The following MRC2 variants were observed in gnomAD, a reference collection of about 807,000 sequenced individuals.
MRC2 encodes the protein C-type mannose receptor 2.
A neutral mutation model predicts 206.2 loss-of-function variants in MRC2; 84 were observed. That is an observed-to-expected ratio of 0.41 (90% confidence interval 0.34 to 0.49). The LOEUF (loss-of-function observed/expected upper bound fraction) is 0.49, where lower values mean the gene tolerates loss of function less well. Ranked by LOEUF, MRC2 falls within the 20% of genes least tolerant of loss-of-function variation. The probability of loss-of-function intolerance (pLI) is 0.31; values close to 1 mark genes in which losing one functional copy is unlikely to be tolerated. For synonymous variants in MRC2, 798 were observed against 800.0 expected (o/e 1.00, Z 0.04); for missense variants, 1,676 against 2,001.5 (o/e 0.84, Z 3.10).
At chr17:62,677,593 G>C in intron 12 of MRC2, 107 bp downstream of exon 12, 1 of 993,520 alleles carries the variant, frequency 1.0e-6, no homozygotes, top group Non-Finnish European at 1.5e-6. Context: ...GACACACCAG[G>C]CTGCAGACGG....
chr17:62,678,737 C>T, intron 13 of MRC2, 91 bp downstream of exon 13: 2 of 1,550,258 alleles, frequency 1.3e-6, no homozygotes, highest in Non-Finnish European at 1.7e-6. Context: ...GTTGGGCGAG[C>T]AGGGGGATGG....
intron 1 of MRC2, among the ~76,000 whole-genome samples, chr17:62,636,250 CAAAA>C (rs11363983): frequency 2.9e-5 from 4 of 136,788 alleles, no homozygotes; most frequent in Non-Finnish European, 4.7e-5. Context: ...GACCCTGTCG[CAAAA>C]AAAAAAAAAA....
At chr17:62,686,012 G>A (rs1442732656) in intron 20 of MRC2, among the ~76,000 whole-genome samples, 1 of 152,158 alleles carries the variant, frequency 6.6e-6, no homozygotes, top group Non-Finnish European at 1.5e-5. Flanking sequence ...CTGGTTTCTT[G>A]GAAGACAATT....
chr17:62,672,925 G>A lies in MRC2; in HGVS notation c.1461+773G>A, dbSNP rs547826652. Among the ~76,000 whole-genome samples the A allele has an allele frequency of 5.3e-5, 8 of 152,000 alleles. No homozygotes were observed. Among genetic ancestry groups the A allele is most frequent in the East Asian group, 3.9e-4 (2 of 5,162 alleles). On this transcript the variant is annotated intron_variant, in intron 8 of 29. Transcript: ENST00000303375. The surrounding 1 kb of genome is among the most constrained non-coding windows in gnomAD (Gnocchi z 4.5). ...GAGAATCGCTTGAACCTGGAAGGCA[G>A]AGGCTGCAGTGAGCTGAGATTGCAC...
chr17:62,684,816 T>G (rs1258201892), intron 20 of MRC2, among the ~76,000 whole-genome samples: 1 of 152,212 alleles, frequency 6.6e-6, no homozygotes, highest in Non-Finnish European at 1.5e-5. Flanking sequence ...CTTAGTGTCA[T>G]GGATCTCCTG....
At chr17:62,665,448 T>C (rs768525180) in intron 2 of MRC2, among the ~76,000 whole-genome samples, 86 of 147,646 alleles carry the variant, frequency 5.8e-4, no homozygotes, top group Non-Finnish European at 9.0e-5. Context: ...AAAAGAAAAA[T>C]TAACTTCAAA....
intron 20 of MRC2, among the ~76,000 whole-genome samples, chr17:62,686,044 G>A (rs1413760160): frequency 6.6e-6 from 1 of 152,186 alleles, no homozygotes; most frequent in Non-Finnish European, 1.5e-5. Flanking sequence ...TAGGGGAGGG[G>A]AGGGATGGTT....
rs368751421 is a variant in MRC2, at chr17:62,666,543, G to A, written c.783G>A (p.Glu261=). 77 of 1,613,220 alleles carry A rather than the reference G, an allele frequency of 4.8e-5. No homozygotes were observed. The highest frequency in any genetic ancestry group is 6.0e-5 in the Non-Finnish European group (71 of 1,179,758). ...TCCAGTCCACGCTGTCGTGGAGGGA[G>A]GCCTGGGCCAGCTGCGAGCAGCAGG... is the stretch of plus-strand genomic sequence containing the variant. The part of the protein sequence containing the change: ...FNFQSTLSWR[E]AWASCEQQGA... Residue 261 remains glutamate, a synonymous_variant, in exon 4 of 30, where the codon GAG becomes GAA. Coordinates refer to ENST00000303375, the MANE Select transcript of MRC2 (RefSeq NM_006039.5). This position sits in a 1 kb window ranked among gnomAD's most constrained non-coding sequence, Gnocchi z 5.0.
intron 14 of MRC2, 61 bp downstream of exon 14, chr17:62,679,963 T>TG: frequency 1.1e-6 from 1 of 946,028 alleles, no homozygotes; most frequent in Non-Finnish European, 1.5e-6. Flanking sequence ...GGGGCCTGTT[T>TG]GGGGCGGGGC....
At chr17:62,630,302 A>G (rs2084206349) in intron 1 of MRC2, among the ~76,000 whole-genome samples, 1 of 152,160 alleles carries the variant, frequency 6.6e-6, no homozygotes, top group South Asian at 2.1e-4. Flanking sequence ...CAACCCAAGG[A>G]GATGGTTATT....
Position 62,675,228 on chromosome 17 carries a change from T to A in MRC2, c.1570-562T>A, listed in dbSNP as rs1419403253. ...TCACCAGGGGTCTTGGCACAGCCCCTGCCAGCAGATGAGGCCCCCACCACA... is the reference window on the plus strand; with the variant it reads ...TCACCAGGGGTCTTGGCACAGCCCCAGCCAGCAGATGAGGCCCCCACCACA... On this transcript the variant is annotated intron_variant, in intron 9 of 29. Transcript: ENST00000303375. This position sits in a 1 kb window ranked among gnomAD's most constrained non-coding sequence, Gnocchi z 4.1. Among the ~76,000 whole-genome samples the A allele has an allele frequency of 1.3e-5, 2 of 152,126 alleles. No homozygotes were observed. Among genetic ancestry groups the A allele is most frequent in the East Asian group, 3.9e-4 (2 of 5,180 alleles).
At chr17:62,682,410 CAG>C (rs755489862) in intron 20 of MRC2, 33 bp downstream of exon 20, 5 of 1,590,866 alleles carry the variant, frequency 3.1e-6, no homozygotes, top group South Asian at 2.3e-5. Context: ...CCAAGGGAGT[CAG>C]GGGAGAGGAC....
chr17:62,680,359 G>C lies in MRC2; in HGVS notation c.2437+51G>C. ...GCGGGATGGAGCGAAGGGTGGCGGGGCCAGGAATTCCAGGGAGGGTCTCCT... is the reference window on the plus strand; with the variant it reads ...GCGGGATGGAGCGAAGGGTGGCGGGCCCAGGAATTCCAGGGAGGGTCTCCT... On this transcript the variant is annotated intron_variant, in intron 15 of 29. Transcript: ENST00000303375. This position sits in a 1 kb window ranked among gnomAD's most constrained non-coding sequence, Gnocchi z 4.8. 2.5e-6 allele frequency: 4 copies of C among 1,613,718 alleles called. No individual in the cohort carries two copies. Among genetic ancestry groups the C allele is most frequent in the Non-Finnish European group, 3.4e-6 (4 of 1,179,744 alleles).
intron 1 of MRC2, among the ~76,000 whole-genome samples, chr17:62,648,461 C>T (rs1166099597): frequency 1.3e-5 from 2 of 152,204 alleles, no homozygotes; most frequent in Non-Finnish European, 2.9e-5. Flanking sequence ...CTTCCAGCTG[C>T]GTTGTGAGTG....
At chr17:62,665,407 C>A (rs1229002047) in intron 2 of MRC2, among the ~76,000 whole-genome samples, 9 of 143,628 alleles carry the variant, frequency 6.3e-5, no homozygotes, top group Admixed American at 2.0e-4. Context: ...TCTGTCCCCC[C>A]CCCCACAAAA....
At chr17:62,690,372 C>T in intron 26 of MRC2, 67 bp downstream of exon 26, 3 of 1,535,926 alleles carry the variant, frequency 2.0e-6, no homozygotes, top group South Asian at 2.5e-5. Flanking sequence ...GCACTCAGAC[C>T]CATGAGTACA....
At position 62,664,530 on chromosome 17, in the gene MRC2, T is replaced by C. The variant is rs1239690197; in HGVS notation, c.119-18T>C. The C allele has an allele frequency of 6.3e-7, 1 of 1,594,074 alleles. No homozygotes were observed. The highest frequency in any genetic ancestry group is 8.5e-7 in the Non-Finnish European group (1 of 1,170,348). Reference sequence around the variant, plus strand: ...GGAGAGCCCCTGTGATGCCTTCGTGTCTTGCCTTCCCTTCCAGAACCCAAC... The same window carrying C: ...GGAGAGCCCCTGTGATGCCTTCGTGCCTTGCCTTCCCTTCCAGAACCCAAC... On this transcript the variant is annotated intron_variant, in intron 1 of 29. Coordinates refer to ENST00000303375, the MANE Select transcript of MRC2 (RefSeq NM_006039.5). This position sits in a 1 kb window ranked among gnomAD's most constrained non-coding sequence, Gnocchi z 4.7.
In MRC2 at chr17:62,680,876, G is replaced by A. The variant is rs770093177; in HGVS notation, c.2550G>A (p.Gln850=). 4.7e-5 allele frequency: 76 copies of A among 1,613,104 alleles called. No homozygotes were observed. Among genetic ancestry groups the A allele is most frequent in the Non-Finnish European group, 6.4e-5 (75 of 1,179,920 alleles). The change falls in exon 17 of 30, where the codon CAG becomes CAA. Residue 850 remains glutamine, a synonymous_variant. Coordinates refer to ENST00000303375, the MANE Select transcript of MRC2 (RefSeq NM_006039.5). The surrounding 1 kb of genome is among the most constrained non-coding windows in gnomAD (Gnocchi z 4.8). ...ACCACTCCACGTGGGCGCAGGCGCA[G>A]CGCATCTGCACGTGGTTCCAGGCCG... ...FEHHSTWAQA[Q]RICTWFQAEL... is the part of the protein sequence containing the mutation.
At position 62,692,332 on chromosome 17, in the gene MRC2, A is replaced by G. The variant is rs1179836159; in HGVS notation, c.4321A>G (p.Ser1441Gly). 2.5e-6 allele frequency: 4 copies of G among 1,580,280 alleles called. No individual in the cohort carries two copies. Among genetic ancestry groups the G allele is most frequent in the Non-Finnish European group, 3.4e-6 (4 of 1,163,298 alleles). The change falls in exon 30 of 30, where the codon AGC becomes GGC. Residue 1441 changes from serine (S) to glycine (G), a missense_variant. Physicochemically the swap from Ser to Gly is moderately conservative, Grantham distance 56 (BLOSUM62 0). Coordinates refer to ENST00000303375, the MANE Select transcript of MRC2 (RefSeq NM_006039.5). This position sits in a 1 kb window ranked among gnomAD's most constrained non-coding sequence, Gnocchi z 4.2. ...CCTCATCCTTTACCGGAGGCGCCAG[A>G]GCATCGAGCGCGGGGCCTTTGAGGG... Reference protein sequence around the residue: ...AALILYRRRQSIERGAFEGAR... With the variant: ...AALILYRRRQGIERGAFEGAR...
Sources: gnomAD v4.1 joint callset for allele counts (sites outside exome capture counted in the v4.1 genomes callset) on GRCh38, gnomAD v4.1.1 for gene constraint, Gnocchi (gnomAD v3.1) non-coding constraint, MANE v1.5 for transcripts, NCBI Gene and HGNC (gene_info 2026-07-23, HGNC 2026-07-21) for gene names.